Variants in ALDH2 observed in about 807,000 individuals in gnomAD.
ALDH2 encodes aldehyde dehydrogenase 2 family member.
In ALDH2, 44 loss-of-function variants were observed where a neutral mutation model predicts 59.6. The observed-to-expected ratio is 0.74, with a 90% CI of 0.58 to 0.95. The LOEUF is 0.95. Ranked by LOEUF, ALDH2 falls within the 40% of genes least tolerant of loss-of-function variation. The pLI, the probability that ALDH2 is intolerant of heterozygous loss-of-function variation, is 0.00. For synonymous variants in ALDH2, 291 were observed against 284.0 expected (o/e 1.02, Z -0.25); for missense variants, 570 against 696.3 (o/e 0.82, Z 2.04).
chr12:111,774,853 C>G (rs928980309), intron 1 of ALDH2, among the ~76,000 whole-genome samples: 5 of 152,144 alleles, frequency 3.3e-5, no homozygotes, highest in African/African-American at 1.2e-4. Flanking sequence ...ACCACTAAGT[C>G]TCTGCCTGGC....
chr12:111,773,420 G>A (rs2068215663), intron 1 of ALDH2, among the ~76,000 whole-genome samples: 1 of 152,202 alleles, frequency 6.6e-6, no homozygotes, highest in Non-Finnish European at 1.5e-5. Context: ...GTGGACATGT[G>A]TATGTATTCC....
intron 10 of ALDH2, among the ~76,000 whole-genome samples, chr12:111,799,325 C>T (rs1303099031): frequency 6.6e-6 from 1 of 151,738 alleles, no homozygotes; most frequent in Non-Finnish European, 1.5e-5. Context: ...ACCACCACGC[C>T]CAGCTAATTT....
intron 12 of ALDH2, among the ~76,000 whole-genome samples, chr12:111,805,918 G>T (rs958760854): frequency 6.6e-6 from 1 of 151,816 alleles, no homozygotes; most frequent in South Asian, 2.1e-4. Context: ...AGCTACTTGG[G>T]AGGCTGAGGC....
chr12:111,769,538 A>AAGAGAG (rs143486935), intron 1 of ALDH2, among the ~76,000 whole-genome samples: 7 of 150,222 alleles, frequency 4.7e-5, no homozygotes, highest in African/African-American at 1.7e-4. Context: ...TGCCTGCAGC[A>AAGAGAG]AGAGAGAGAG....
intron 9 of ALDH2, among the ~76,000 whole-genome samples, chr12:111,797,556 G>A (rs1413530497): frequency 1.3e-5 from 2 of 150,830 alleles, no homozygotes; most frequent in Middle Eastern, 3.4e-3. Flanking sequence ...AGTGGAGATC[G>A]CACCACTGCA....
intron 4 of ALDH2, among the ~76,000 whole-genome samples, chr12:111,786,645 A>T (rs2068311995): frequency 6.6e-6 from 1 of 151,824 alleles, no homozygotes; most frequent in Non-Finnish European, 1.5e-5. Flanking sequence ...TTCTGGGCTC[A>T]AGCAATCTTC....
intron 1 of ALDH2, among the ~76,000 whole-genome samples, chr12:111,777,020 A>G (rs952275949): frequency 6.6e-6 from 1 of 152,206 alleles, no homozygotes; most frequent in Non-Finnish European, 1.5e-5. Context: ...GTGTTGAGTC[A>G]GTAAGTAAAC....
Position 111,812,374 on chromosome 12 carries a change from C to G in ALDH2, c.*2799C>G, listed in dbSNP as rs2068542128. The stretch of plus-strand genomic sequence containing the variant: ...TACTGGAACAGCTCGTGCCCTCGGT[C>G]TCTTGCCTCAGCACCTGGATGGCTT... On this transcript the variant is annotated 3_prime_UTR_variant, in exon 13 of 13. Transcript: ENST00000261733. The G allele has an allele frequency of 6.6e-6, 1 of 152,126 alleles. No homozygotes were observed. Among genetic ancestry groups the G allele is most frequent in the Admixed American group, 6.6e-5 (1 of 15,250 alleles). 9.4% of individuals were successfully genotyped at this position (152,126 alleles called of 1,614,324 possible). A position where few individuals can be genotyped will look rare whatever the true frequency, so the allele number is the denominator to read the frequency against.
chr12:111,783,096 C>T, intron 2 of ALDH2, 62 bp from the exon 3 acceptor site: 1 of 1,562,904 alleles, frequency 6.4e-7, no homozygotes, highest in Non-Finnish European at 8.7e-7. Flanking sequence ...GTATTCGGAC[C>T]TGGTTATTAC....
intron 4 of ALDH2, among the ~76,000 whole-genome samples, chr12:111,785,876 A>G (rs548540847): frequency 6.6e-6 from 1 of 152,202 alleles, no homozygotes; most frequent in Non-Finnish European, 1.5e-5. Context: ...TTCTTGAGTC[A>G]CTTTTGGTAC....
intron 11 of ALDH2, among the ~76,000 whole-genome samples, chr12:111,801,693 CAAA>C (rs773754247): frequency 2.3e-5 from 2 of 88,640 alleles, no homozygotes; most frequent in Non-Finnish European, 2.5e-5. Context: ...AGTGAGACTC[CAAA>C]AAAAAAAAAA....
chr12:111,775,287 C>A (rs1043299041), intron 1 of ALDH2, among the ~76,000 whole-genome samples: 1 of 152,144 alleles, frequency 6.6e-6, no homozygotes, highest in Non-Finnish European at 1.5e-5. Context: ...TCACCTACAC[C>A]CTGCAGCCAC....
intron 1 of ALDH2, among the ~76,000 whole-genome samples, chr12:111,778,045 A>G (rs1370684946): frequency 6.6e-6 from 1 of 152,010 alleles, no homozygotes; most frequent in Non-Finnish European, 1.5e-5. Flanking sequence ...CTAGGCCCTT[A>G]CCTGAACGAC....
chr12:111,776,445 A>G (rs2068236081), intron 1 of ALDH2, among the ~76,000 whole-genome samples: 1 of 152,032 alleles, frequency 6.6e-6, no homozygotes, highest in Non-Finnish European at 1.5e-5. Context: ...CCCAGGGTCA[A>G]ATCTGTGAGG....
Position 111,766,997 on chromosome 12 carries a change from C to G in ALDH2, c.15C>G (p.Ala5=). The G allele has an allele frequency of 2.0e-6, 3 of 1,522,300 alleles. No individual in the cohort carries two copies. The highest frequency in any genetic ancestry group is 1.2e-5 in the South Asian group (1 of 82,868). 94.3% of individuals were successfully genotyped at this position (1,522,300 alleles called of 1,614,324 possible). A position where few individuals can be genotyped will look rare whatever the true frequency, so the allele number is the denominator to read the frequency against. ...AGCCCGCTGCGATGTTGCGCGCTGC[C>G]GCCCGCTTCGGGCCCCGCCTGGGCC... MLRA[A]ARFGPRLGRR... is the part of the protein sequence containing the mutation. Residue 5 remains alanine, a synonymous_variant, in exon 1 of 13, where the codon GCC becomes GCG. Coordinates refer to ENST00000261733, the MANE Select transcript of ALDH2 (RefSeq NM_000690.4).
chr12:111,770,865 G>T (rs2068193974), intron 1 of ALDH2, among the ~76,000 whole-genome samples: 1 of 151,912 alleles, frequency 6.6e-6, no homozygotes, highest in East Asian at 2.0e-4. Context: ...CAGGCTGGCT[G>T]GTCTTGAACT....
intron 12 of ALDH2, among the ~76,000 whole-genome samples, chr12:111,808,378 G>A (rs2136029782): frequency 6.6e-6 from 1 of 152,182 alleles, no homozygotes; most frequent in South Asian, 2.1e-4. Flanking sequence ...ACTTGATTGT[G>A]CATAAATCAT....
chr12:111,794,890 T>C (rs1183166571), intron 9 of ALDH2, among the ~76,000 whole-genome samples: 1 of 152,172 alleles, frequency 6.6e-6, no homozygotes, highest in African/African-American at 2.4e-5. Flanking sequence ...GATTCAGTGA[T>C]TTTTAGTATA....
rs1180736344 is a variant in ALDH2, at chr12:111,783,269, C to A, written c.331C>A (p.Leu111Met). 6.2e-7 allele frequency: 1 copy of A among 1,612,616 alleles called. No individual in the cohort carries two copies. Among genetic ancestry groups the A allele is most frequent in the East Asian group, 2.2e-5 (1 of 44,844 alleles). The part of the protein sequence containing the change: ...RGRLLNRLAD[L>M]IERDRTYLAA... ...CCGGCTGCTGAACCGCCTGGCCGAT[C>A]TGATCGAGCGGGACCGGACCTACCT... The change falls in exon 3 of 13, where the codon CTG (leucine) becomes ATG (methionine). Residue 111 changes from leucine to methionine, a missense_variant. By Grantham distance (15) the Leu-to-Met change is conservative. Coordinates refer to ENST00000261733, the MANE Select transcript of ALDH2 (RefSeq NM_000690.4).
Sources: allele counts gnomAD v4.1 joint callset (sites outside exome capture counted in the v4.1 genomes callset), GRCh38; gene constraint gnomAD v4.1.1; transcripts MANE v1.5; gene names NCBI Gene and HGNC (gene_info 2026-07-23, HGNC 2026-07-21).